The following FNBP1 variants were observed in gnomAD, a reference collection of about 807,000 sequenced individuals.
The protein encoded by FNBP1 is formin-binding protein 1.
In FNBP1, 26 loss-of-function variants were observed where a neutral mutation model predicts 90.6. That is an observed-to-expected ratio of 0.29 (90% confidence interval 0.21 to 0.40). FNBP1 has a LOEUF of 0.40. Among genes scored for constraint, FNBP1 ranks in the 10% least tolerant of loss-of-function variants. FNBP1 has a pLI of 1.00. For missense variants in FNBP1, 635 were observed against 768.0 expected (o/e 0.83, Z 2.05); for synonymous variants, 260 against 265.2 (o/e 0.98, Z 0.19).
At chr9:130,015,451 T>C (rs2057127601) in intron 1 of FNBP1, among the ~76,000 whole-genome samples, 1 of 152,120 alleles carries the variant, frequency 6.6e-6, no homozygotes, top group Non-Finnish European at 1.5e-5. Context: ...ATAGACTCCC[T>C]GTCCAATCAG....
chr9:129,976,662 C>A (rs936424238), intron 4 of FNBP1, among the ~76,000 whole-genome samples: 4 of 152,144 alleles, frequency 2.6e-5, no homozygotes, highest in African/African-American at 9.7e-5. Flanking sequence ...GCCTTAACTG[C>A]GAAGTCCCTT....
At chr9:129,937,417 A>C (rs990719942) in intron 6 of FNBP1, among the ~76,000 whole-genome samples, 1 of 152,136 alleles carries the variant, frequency 6.6e-6, no homozygotes, top group Non-Finnish European at 1.5e-5. Context: ...AGATGAAGTA[A>C]ATGTATATAT....
chr9:129,923,566 AGACTC>A (rs1279265064), intron 10 of FNBP1, among the ~76,000 whole-genome samples: 1 of 150,016 alleles, frequency 6.7e-6, no homozygotes, highest in Non-Finnish European at 1.5e-5. Flanking sequence ...TGACAGAGCG[AGACTC>A]TGTCTGGAAA....
intron 2 of FNBP1, 98 bp from the exon 3 acceptor site, chr9:129,979,472 C>A (rs1431528226): frequency 3.5e-6 from 3 of 860,930 alleles, no homozygotes; most frequent in Admixed American, 2.5e-5. Flanking sequence ...AAGTTTAAAA[C>A]AAACAAAAAA....
At chr9:129,992,268 G>A (rs1446111417) in intron 2 of FNBP1, among the ~76,000 whole-genome samples, 1 of 152,152 alleles carries the variant, frequency 6.6e-6, no homozygotes, top group Non-Finnish European at 1.5e-5. Flanking sequence ...AGACAACATT[G>A]CATGACTAAT....
At chr9:129,898,806 G>A (rs1263308149) in intron 15 of FNBP1, among the ~76,000 whole-genome samples, 1 of 151,962 alleles carries the variant, frequency 6.6e-6, no homozygotes, top group Non-Finnish European at 1.5e-5. Context: ...CTCCTTAAGT[G>A]TGTCTGCCTG....
At chr9:129,893,783 GCACA>G (rs1329975423) in intron 16 of FNBP1, among the ~76,000 whole-genome samples, 1 of 151,660 alleles carries the variant, frequency 6.6e-6, no homozygotes, top group Non-Finnish European at 1.5e-5. Context: ...GGGCATGGTG[GCACA>G]CGCCTGTAGT....
chr9:129,906,068 A>G (rs544284828), intron 12 of FNBP1, among the ~76,000 whole-genome samples: 14 of 151,824 alleles, frequency 9.2e-5, no homozygotes, highest in Non-Finnish European at 5.9e-5. Flanking sequence ...TTTTTAGTAG[A>G]GATGGGGTTT....
intron 4 of FNBP1, among the ~76,000 whole-genome samples, chr9:129,960,900 A>G (rs892292555): frequency 6.6e-6 from 1 of 152,068 alleles, no homozygotes; most frequent in South Asian, 2.1e-4. Context: ...GCCCAGGGTG[A>G]CTCCGAGGTT....
intron 2 of FNBP1, among the ~76,000 whole-genome samples, chr9:129,980,383 G>A (rs2051014315): frequency 6.6e-6 from 1 of 151,168 alleles, no homozygotes; most frequent in African/African-American, 2.4e-5. Flanking sequence ...AAAAATCAGA[G>A]TGCCAAGGGC....
chr9:129,989,957 G>A (rs1009642743), intron 2 of FNBP1, among the ~76,000 whole-genome samples: 1 of 151,920 alleles, frequency 6.6e-6, no homozygotes, highest in Non-Finnish European at 1.5e-5. Context: ...AGGTTCACTT[G>A]AGCCCGGGAG....
In FNBP1 at chr9:129,908,931, G is replaced by A. The variant is rs773587821; in HGVS notation, c.1254C>T (p.Val418=). ...EQRRKKLQQK[V]DELNKEIQKE... ...TCTGAATTTCTTTATTTAACTCATC[G>A]ACTTTCTGCTGCAGCTTTTTCCTTC... The change falls in exon 12 of 17, where the codon GTC becomes GTT. Residue 418 remains valine, a synonymous_variant. Transcript: ENST00000446176. 2.4e-5 allele frequency: 39 copies of A among 1,613,396 alleles called. No homozygotes were observed. The highest frequency in any genetic ancestry group is 1.7e-4 in the African/African-American group (13 of 74,986).
At chr9:129,916,630 A>C (rs111283289) in intron 10 of FNBP1, among the ~76,000 whole-genome samples, 1,922 of 152,036 alleles carry the variant, frequency 0.013, 18 homozygotes, top group Middle Eastern at 0.024. Flanking sequence ...AAAAAAACAA[A>C]AAAAAAAGAA....
At chr9:129,958,257 C>T (rs1311875910) in intron 5 of FNBP1, among the ~76,000 whole-genome samples, 7 of 152,002 alleles carry the variant, frequency 4.6e-5, no homozygotes, top group Admixed American at 3.9e-4. Context: ...CATGGCAAAA[C>T]CCCATCTCTA....
At chr9:129,955,682 C>T (rs2046823920) in intron 6 of FNBP1, among the ~76,000 whole-genome samples, 1 of 151,654 alleles carries the variant, frequency 6.6e-6, no homozygotes, top group African/African-American at 2.4e-5. Context: ...GATCACACCA[C>T]TGCACTCCAG....
At chr9:130,000,017 T>C (rs1399444919) in intron 1 of FNBP1, among the ~76,000 whole-genome samples, 1 of 152,230 alleles carries the variant, frequency 6.6e-6, no homozygotes, top group Non-Finnish European at 1.5e-5. Context: ...CATTCTCCTT[T>C]GATACCACAC....
intron 1 of FNBP1, among the ~76,000 whole-genome samples, chr9:130,035,733 G>C (rs1054604763): frequency 1.3e-5 from 2 of 152,128 alleles, no homozygotes; most frequent in Non-Finnish European, 2.9e-5. Context: ...GATCACCTGA[G>C]GTCAGGAGTT....
In FNBP1 at chr9:129,929,692, G is replaced by C; in HGVS notation, c.517C>G (p.Arg173Gly). 1 of 1,613,762 alleles carries C rather than the reference G, an allele frequency of 6.2e-7. No individual in the cohort carries two copies. Among genetic ancestry groups the C allele is most frequent in the Non-Finnish European group, 8.5e-7 (1 of 1,179,774 alleles). ...TGGTGACGTATTTGAGCTTGTTGTC[G>C]GGCCTTAGGGCAAAAACAAGAATAC... is the stretch of plus-strand genomic sequence containing the variant. Reference protein sequence around the residue: ...NVTKADVEKARQQAQIRHQMA... With the variant: ...NVTKADVEKAGQQAQIRHQMA... The change falls in exon 7 of 17, where the codon CGA becomes GGA. Residue 173 changes from arginine (R) to glycine (G), a missense_variant. Physicochemically the swap from Arg to Gly is moderately radical, Grantham distance 125. Coordinates refer to ENST00000446176, the MANE Select transcript of FNBP1 (RefSeq NM_015033.3).
chr9:129,969,904 T>TC (rs1285623457), intron 4 of FNBP1, among the ~76,000 whole-genome samples: 1 of 150,678 alleles, frequency 6.6e-6, no homozygotes, highest in Non-Finnish European at 1.5e-5. Flanking sequence ...TTTTTTTTTT[T>TC]TTGAGGTGGA....
Sources: allele counts gnomAD v4.1 joint callset (sites outside exome capture counted in the v4.1 genomes callset), GRCh38; gene constraint gnomAD v4.1.1; transcripts MANE v1.5; gene names NCBI Gene and HGNC (gene_info 2026-07-23, HGNC 2026-07-21).